PRDM16: variants seen among roughly 807,000 people sequenced by gnomAD.
PRDM16 encodes the protein PR/SET domain 16.
PRDM16 carries 23 observed loss-of-function variants against 110.6 expected under a neutral mutation model. The ratio of observed to expected loss-of-function variants is 0.21; its 90% CI spans 0.15 to 0.29. The LOEUF (loss-of-function observed/expected upper bound fraction) is 0.29, where lower values mean the gene tolerates loss of function less well. Ranked by LOEUF, PRDM16 falls within the 10% of genes least tolerant of loss-of-function variation. The probability of loss-of-function intolerance (pLI) is 1.00; values close to 1 mark genes in which losing one functional copy is unlikely to be tolerated. For missense variants in PRDM16, 1,615 were observed against 1,794.3 expected (o/e 0.90, Z 1.81); for synonymous variants, 799 against 781.8 (o/e 1.02, Z -0.37).
chr1:3,084,469 G>A (rs573641750), intron 1 of PRDM16, among the ~76,000 whole-genome samples: 1 of 152,314 alleles, frequency 6.6e-6, no homozygotes, highest in Non-Finnish European at 1.5e-5. Context: ...CTGCCCCCCT[G>A]GGAGGCACGG....
At chr1:3,088,893 C>T (rs1642211331) in intron 1 of PRDM16, among the ~76,000 whole-genome samples, 1 of 152,100 alleles carries the variant, frequency 6.6e-6, no homozygotes, top group Non-Finnish European at 1.5e-5. Context: ...AGCGATTCTT[C>T]TGCCTCAGCC....
intron 3 of PRDM16, among the ~76,000 whole-genome samples, chr1:3,247,825 G>C (rs1352696508): frequency 6.6e-6 from 1 of 152,264 alleles, no homozygotes; most frequent in Non-Finnish European, 1.5e-5. Context: ...GGGTCGGGCT[G>C]CGTCGCGCCT....
chr1:3,195,117 A>G (rs1351275956), intron 2 of PRDM16, among the ~76,000 whole-genome samples: 2 of 152,178 alleles, frequency 1.3e-5, no homozygotes, highest in East Asian at 3.9e-4. Context: ...CGGGATTTGG[A>G]GAGAGACGGG....
chr1:3,161,990 G>A (rs1210314369), intron 1 of PRDM16, among the ~76,000 whole-genome samples: 1 of 152,212 alleles, frequency 6.6e-6, no homozygotes, highest in Non-Finnish European at 1.5e-5. Flanking sequence ...ACGTCGCCAG[G>A]GTGGCTCGGC....
intron 2 of PRDM16, among the ~76,000 whole-genome samples, chr1:3,238,938 G>A (rs772607063): frequency 3.3e-5 from 5 of 152,228 alleles, no homozygotes; most frequent in East Asian, 1.9e-4. Flanking sequence ...CAGCAGGGGC[G>A]TTGCTGGTTC....
intron 3 of PRDM16, among the ~76,000 whole-genome samples, chr1:3,318,893 T>G (rs1359358439): frequency 6.6e-6 from 1 of 152,208 alleles, no homozygotes; most frequent in East Asian, 1.9e-4. Flanking sequence ...TCTCCCCACT[T>G]TCCTAGGAAA....
At chr1:3,142,500 G>A (rs1370446522) in intron 1 of PRDM16, among the ~76,000 whole-genome samples, 9 of 150,748 alleles carry the variant, frequency 6.0e-5, no homozygotes, top group South Asian at 4.3e-4. Context: ...GGCAGGCGCC[G>A]TCGAACGGGA....
At chr1:3,181,754 A>AAG (rs1644203485) in intron 1 of PRDM16, among the ~76,000 whole-genome samples, 2 of 133,448 alleles carry the variant, frequency 1.5e-5, no homozygotes, top group African/African-American at 2.8e-5. Flanking sequence ...AGTCTTACAC[A>AAG]CGGTCTTACA....
chr1:3,102,218 C>T (rs1185650467), intron 1 of PRDM16, among the ~76,000 whole-genome samples: 1 of 152,158 alleles, frequency 6.6e-6, no homozygotes, highest in Non-Finnish European at 1.5e-5. Context: ...GTAGAGGTGG[C>T]GCCACCACCC....
intron 2 of PRDM16, among the ~76,000 whole-genome samples, chr1:3,215,523 TG>T (rs1447651858): frequency 2.0e-5 from 3 of 151,718 alleles, no homozygotes; most frequent in Admixed American, 2.0e-4. Flanking sequence ...GGAAGGAAGG[TG>T]GGGGCCCTGC....
chr1:3,239,775 C>G (rs1639618567), intron 2 of PRDM16, among the ~76,000 whole-genome samples: 1 of 151,424 alleles, frequency 6.6e-6, no homozygotes, highest in Non-Finnish European at 1.5e-5. Context: ...ATAGTGAGAC[C>G]CTGTCTCTAC....
chr1:3,195,316 G>T (rs1223722603), intron 2 of PRDM16, among the ~76,000 whole-genome samples: 1 of 152,124 alleles, frequency 6.6e-6, no homozygotes, highest in African/African-American at 2.4e-5. Context: ...ATGAAATCCT[G>T]CACTATCTTC....
intron 1 of PRDM16, among the ~76,000 whole-genome samples, chr1:3,082,364 G>T (rs192402199): frequency 6.6e-6 from 1 of 152,210 alleles, no homozygotes; most frequent in Admixed American, 6.5e-5. Context: ...GAGGGGTAAC[G>T]GCCCATCTGC....
intron 2 of PRDM16, among the ~76,000 whole-genome samples, chr1:3,228,568 A>T (rs530151359): frequency 2.0e-4 from 30 of 152,286 alleles, no homozygotes; most frequent in African/African-American, 6.5e-4. Context: ...ATAAAGTTGA[A>T]TGAGGGCTGT....
At chr1:3,276,874 C>G (rs1640597707) in intron 3 of PRDM16, among the ~76,000 whole-genome samples, 1 of 152,202 alleles carries the variant, frequency 6.6e-6, no homozygotes, top group African/African-American at 2.4e-5. Context: ...AGAGCGAGCC[C>G]TAAAGGGGGC....
chr1:3,402,544 C>A (rs565762856), intron 5 of PRDM16, among the ~76,000 whole-genome samples: 2 of 152,220 alleles, frequency 1.3e-5, no homozygotes. Flanking sequence ...CCGGGGCTCC[C>A]TCTGAGGCAC....
chr1:3,278,084 G>A (rs916407534), intron 3 of PRDM16, among the ~76,000 whole-genome samples: 2 of 152,248 alleles, frequency 1.3e-5, no homozygotes, highest in Non-Finnish European at 2.9e-5. Context: ...TCAAGTCTGA[G>A]ACAGTGTGAA....
At chr1:3,096,114 C>T (rs546205805) in intron 1 of PRDM16, among the ~76,000 whole-genome samples, 17 of 152,162 alleles carry the variant, frequency 1.1e-4, no homozygotes, top group African/African-American at 3.4e-4. Flanking sequence ...GTGCAGGGTA[C>T]GCACCCCATG....
rs556711212 is a variant in PRDM16, at chr1:3,115,614, G to A, written c.37+46318G>A. Reference sequence around the variant, plus strand: ...CTCCGCCGTAAGCCTGAGTGAAGCCGAGAGGGGGCGGGGGCCACGGAGGGT... The same window carrying A: ...CTCCGCCGTAAGCCTGAGTGAAGCCAAGAGGGGGCGGGGGCCACGGAGGGT... On this transcript the variant is annotated intron_variant, in intron 1 of 16. Transcript: ENST00000270722. Among the ~76,000 whole-genome samples the A allele has an allele frequency of 1.5e-3, 231 of 152,338 alleles. 4 individuals carry two copies. Among genetic ancestry groups the A allele is most frequent in the East Asian group, 7.7e-4 (4 of 5,182 alleles).
Sources: gnomAD v4.1 joint callset for allele counts (sites outside exome capture counted in the v4.1 genomes callset) on GRCh38, gnomAD v4.1.1 for gene constraint, MANE v1.5 for transcripts, NCBI Gene and HGNC (gene_info 2026-07-23, HGNC 2026-07-21) for gene names.